Variants in GABBR2 observed in about 807,000 individuals in gnomAD.
The protein encoded by GABBR2 is G-protein coupled receptor 51.
In GABBR2, 23 loss-of-function variants were observed where a neutral mutation model predicts 105.6. The ratio of observed to expected loss-of-function variants is 0.22; its 90% CI spans 0.16 to 0.31. The LOEUF is 0.31. GABBR2 is among the 10% of genes least tolerant of loss of function. The pLI, the probability that GABBR2 is intolerant of heterozygous loss-of-function variation, is 1.00. For synonymous variants in GABBR2, 478 were observed against 499.7 expected (o/e 0.96, Z 0.58); for missense variants, 734 against 1,245.5 (o/e 0.59, Z 6.18).
At chr9:98,450,240 G>A (rs968373603) in intron 7 of GABBR2, among the ~76,000 whole-genome samples, 2 of 152,060 alleles carry the variant, frequency 1.3e-5, no homozygotes, top group Admixed American at 6.6e-5. Context: ...TCAGCAAATG[G>A]AAAATGCTTC....
intron 1 of GABBR2, among the ~76,000 whole-genome samples, chr9:98,619,788 A>G (rs190542822): frequency 2.0e-5 from 3 of 152,204 alleles, no homozygotes; most frequent in Admixed American, 1.3e-4. Flanking sequence ...TTCCATTGGG[A>G]TATAAAAAGT....
At chr9:98,367,421 G>A (rs1340833362) in intron 12 of GABBR2, among the ~76,000 whole-genome samples, 7 of 152,156 alleles carry the variant, frequency 4.6e-5, no homozygotes, top group African/African-American at 1.7e-4. Context: ...GTTCCTAGAG[G>A]AGTCAAATTC....
At chr9:98,488,992 A>T (rs1827118528) in intron 4 of GABBR2, among the ~76,000 whole-genome samples, 1 of 152,224 alleles carries the variant, frequency 6.6e-6, no homozygotes, top group African/African-American at 2.4e-5. Flanking sequence ...GGTGGCAAAC[A>T]ATTTCTATAA....
At chr9:98,360,007 C>T (rs774799868) in intron 13 of GABBR2, among the ~76,000 whole-genome samples, 33 of 152,280 alleles carry the variant, frequency 2.2e-4, no homozygotes, top group African/African-American at 7.2e-4. Flanking sequence ...TGGAAGGGGA[C>T]ACAGCATGAG....
In GABBR2 at chr9:98,385,713, G is replaced by C; in HGVS notation, c.1589C>G (p.Ser530Cys). The C allele has an allele frequency of 1.2e-6, 2 of 1,606,004 alleles. No individual in the cohort carries two copies. Among genetic ancestry groups the C allele is most frequent in the Non-Finnish European group, 1.7e-6 (2 of 1,172,570 alleles). Residue 530 changes from serine to cysteine, a missense_variant, in exon 11 of 19, where the codon TCC (serine) becomes TGC (cysteine). Physicochemically the swap from Ser to Cys is moderately radical, Grantham distance 112. Transcript: ENST00000259455. The part of the protein sequence containing the change: ...NNLIILGGML[S>C]YASIFLFGLD... ...GCCAAAGAGAAATATGGAAGCATAG[G>C]AGAGCATCCCTCCAAGGATGATAAG...
intron 1 of GABBR2, among the ~76,000 whole-genome samples, chr9:98,708,025 C>A (rs1348279084): frequency 6.6e-6 from 1 of 152,220 alleles, no homozygotes; most frequent in Non-Finnish European, 1.5e-5. Flanking sequence ...GCAGTCAATG[C>A]GCCTGTTCCT....
chr9:98,405,005 G>A (rs1462813896), intron 8 of GABBR2, among the ~76,000 whole-genome samples: 2 of 152,072 alleles, frequency 1.3e-5, no homozygotes, highest in South Asian at 2.1e-4. Context: ...TGTTTTAGGT[G>A]TGATAATAGT....
intron 1 of GABBR2, among the ~76,000 whole-genome samples, chr9:98,673,506 A>G (rs1830432200): frequency 1.3e-5 from 2 of 152,112 alleles, no homozygotes; most frequent in Non-Finnish European, 1.5e-5. Flanking sequence ...AGATGAAGGG[A>G]GAAAATTATT....
chr9:98,341,395 A>G (rs1831211359), intron 13 of GABBR2, among the ~76,000 whole-genome samples: 1 of 152,230 alleles, frequency 6.6e-6, no homozygotes, highest in Non-Finnish European at 1.5e-5. Context: ...TCTTGTTTTA[A>G]TAACTTAATC....
chr9:98,316,470 CCTTA>C (rs745827315), intron 13 of GABBR2, among the ~76,000 whole-genome samples: 14 of 152,296 alleles, frequency 9.2e-5, no homozygotes, highest in Non-Finnish European at 1.8e-4. Flanking sequence ...TATTTTTCTT[CCTTA>C]CTTGTTGCTC....
intron 3 of GABBR2, among the ~76,000 whole-genome samples, 162 bp downstream of exon 3, chr9:98,541,711 A>T (rs1205156312): frequency 6.6e-6 from 1 of 152,242 alleles, no homozygotes; most frequent in Admixed American, 6.5e-5. Context: ...TTCCTCAGCT[A>T]CCAGCTCTAT....
rs2131844342 is a variant in GABBR2, at chr9:98,649,204, C to T, written c.321+59213G>A. Among the ~76,000 whole-genome samples, 5 of 152,306 alleles carry T rather than the reference C, an allele frequency of 3.3e-5. No homozygotes were observed. In the Middle Eastern group the frequency reaches 0.01, roughly 311 times the overall value. On this transcript the variant is annotated intron_variant, in intron 1 of 18. Transcript: ENST00000259455. ...ATTTAACTCACCAGTCAGGAAGACT[C>T]AATTTGACCAATTTTTCTCCTGCAA...
At chr9:98,575,947 C>G (rs929078465) in intron 2 of GABBR2, among the ~76,000 whole-genome samples, 2 of 152,218 alleles carry the variant, frequency 1.3e-5, no homozygotes, top group Non-Finnish European at 2.9e-5. Flanking sequence ...CCCCATGTCT[C>G]CAGCTGTCCA....
intron 1 of GABBR2, among the ~76,000 whole-genome samples, chr9:98,705,461 G>A (rs1177761659): frequency 1.3e-5 from 2 of 152,164 alleles, no homozygotes; most frequent in East Asian, 1.9e-4. Context: ...GTCCATACTG[G>A]TGCCCATAGT....
chr9:98,651,295 C>T (rs1564141718), intron 1 of GABBR2, among the ~76,000 whole-genome samples: 1 of 151,972 alleles, frequency 6.6e-6, no homozygotes, highest in African/African-American at 2.4e-5. Flanking sequence ...AGGCATGCAC[C>T]ACCACGCCCA....
intron 3 of GABBR2, among the ~76,000 whole-genome samples, chr9:98,520,873 C>T (rs563400808): frequency 4.7e-4 from 71 of 152,228 alleles, no homozygotes; most frequent in African/African-American, 1.7e-3. Context: ...GAGAATTCTC[C>T]ATCTGATCGA....
At chr9:98,355,863 A>C (rs898149400) in intron 13 of GABBR2, among the ~76,000 whole-genome samples, 1 of 152,244 alleles carries the variant, frequency 6.6e-6, no homozygotes, top group African/African-American at 2.4e-5. Flanking sequence ...TTGATGAAAT[A>C]ATAGATCAAT....
At chr9:98,381,998 T>C (rs1248224886) in intron 11 of GABBR2, among the ~76,000 whole-genome samples, 1 of 152,182 alleles carries the variant, frequency 6.6e-6, no homozygotes, top group Non-Finnish European at 1.5e-5. Context: ...TGTGCTTTCA[T>C]AGCCTTTGGC....
chr9:98,308,986 T>C (rs909996833), intron 14 of GABBR2, among the ~76,000 whole-genome samples: 13 of 152,144 alleles, frequency 8.5e-5, no homozygotes, highest in Non-Finnish European at 5.9e-5. Context: ...GGGCTGGGGA[T>C]TGGGGCCAAA....
Sources: gnomAD v4.1 joint callset for allele counts (sites outside exome capture counted in the v4.1 genomes callset) on GRCh38, gnomAD v4.1.1 for gene constraint, MANE v1.5 for transcripts, NCBI Gene and HGNC (gene_info 2026-07-23, HGNC 2026-07-21) for gene names.